NRCAM: variants seen among roughly 807,000 people sequenced by gnomAD.
NRCAM encodes NgCAM-related cell adhesion molecule.
A neutral mutation model predicts 156.5 loss-of-function variants in NRCAM; 83 were observed. The observed-to-expected ratio is 0.53, with a 90% CI of 0.44 to 0.64. The LOEUF (loss-of-function observed/expected upper bound fraction) is 0.64. Among genes scored for constraint, NRCAM ranks in the 30% least tolerant of loss-of-function variants. The probability of loss-of-function intolerance (pLI) is 0.00; values close to 1 mark genes in which losing one functional copy is unlikely to be tolerated. For synonymous variants in NRCAM, 538 were observed against 563.9 expected, an observed-to-expected ratio of 0.95 and a Z score of 0.65; for missense variants, 1,417 against 1,597.3, an observed-to-expected ratio of 0.89 and a Z score of 1.92.
intron 2 of NRCAM, among the ~76,000 whole-genome samples, chr7:108,399,171 T>TGTGTGTG (rs1554605530): frequency 1.3e-5 from 2 of 150,258 alleles, no homozygotes; most frequent in Admixed American, 1.3e-4. Context: ...GTGTGTGTGT[T>TGTGTGTG]TGTGTGTGTG....
chr7:108,154,282 T>A (rs2043508577), intron 32 of NRCAM, among the ~76,000 whole-genome samples: 2 of 152,192 alleles, frequency 1.3e-5, no homozygotes, highest in African/African-American at 4.8e-5. Context: ...GTTAGCTTTA[T>A]TCCTATGTCA....
At position 108,296,865 on chromosome 7, in the gene NRCAM, C is replaced by T. The variant is rs1252388651; in HGVS notation, c.-107+15800G>A. 3.9e-5 allele frequency among the ~76,000 whole-genome samples: 6 copies of T among 152,042 alleles called. No individual in the cohort carries two copies. The East Asian group carries it at 1.2e-3, about 29-fold the overall frequency. On this transcript the variant is annotated intron_variant, in intron 3 of 32. Transcript: ENST00000379028. ...CGAGAATCCTTCTCCCCAAATAATC[C>T]GTTTCCCTATACCATTACAGAAAAT...
intron 1 of NRCAM, among the ~76,000 whole-genome samples, chr7:108,452,732 A>C (rs1337110109): frequency 2.0e-5 from 3 of 152,256 alleles, no homozygotes; most frequent in African/African-American, 7.2e-5. Flanking sequence ...AACTTCCTAA[A>C]GAATATGTTA....
At chr7:108,253,365 A>G (rs79547888) in intron 3 of NRCAM, among the ~76,000 whole-genome samples, 2,629 of 152,270 alleles carry the variant, frequency 0.017, 83 homozygotes, top group African/African-American at 0.06. Flanking sequence ...AGGGAAGAGG[A>G]AAGACTCTGG....
intron 11 of NRCAM, among the ~76,000 whole-genome samples, chr7:108,220,204 G>A (rs2091688396): frequency 6.6e-6 from 1 of 151,508 alleles, no homozygotes; most frequent in Non-Finnish European, 1.5e-5. Flanking sequence ...AATCACAGAC[G>A]ACACAAATGA....
intron 2 of NRCAM, among the ~76,000 whole-genome samples, chr7:108,332,709 T>G (rs933648680): frequency 6.6e-6 from 1 of 152,198 alleles, no homozygotes; most frequent in Non-Finnish European, 1.5e-5. Flanking sequence ...ATATAGCGCC[T>G]CTTTATGGCT....
At chr7:108,455,685 T>C (rs1037249893) in intron 1 of NRCAM, among the ~76,000 whole-genome samples, 1 of 152,080 alleles carries the variant, frequency 6.6e-6, no homozygotes. Context: ...TCAGCACAGG[T>C]GTACGCACTT....
intron 11 of NRCAM, among the ~76,000 whole-genome samples, chr7:108,218,896 T>C (rs1341441351): frequency 6.6e-6 from 1 of 151,526 alleles, no homozygotes; most frequent in Non-Finnish European, 1.5e-5. Context: ...CAACAAAAAA[T>C]ACAAAAGATA....
At chr7:108,218,780 C>A (rs1030016032) in intron 11 of NRCAM, among the ~76,000 whole-genome samples, 1 of 152,120 alleles carries the variant, frequency 6.6e-6, no homozygotes, top group African/African-American at 2.4e-5. Flanking sequence ...AACTGACATT[C>A]TAAGGTCACA....
chr7:108,155,296 AG>A (rs1165425176), intron 32 of NRCAM, among the ~76,000 whole-genome samples: 1 of 151,878 alleles, frequency 6.6e-6, no homozygotes, highest in Non-Finnish European at 1.5e-5. Context: ...TGGATGTCAA[AG>A]GTTGAATGGA....
At chr7:108,219,378 C>T (rs1360930112) in intron 11 of NRCAM, among the ~76,000 whole-genome samples, 2 of 152,152 alleles carry the variant, frequency 1.3e-5, no homozygotes, top group African/African-American at 2.4e-5. Context: ...AATACCAAAA[C>T]CAGGAAAGGA....
chr7:108,310,469 A>C (rs778751433), intron 3 of NRCAM, among the ~76,000 whole-genome samples: 8 of 152,186 alleles, frequency 5.3e-5, no homozygotes, highest in Admixed American at 1.3e-4. Flanking sequence ...GACAGAGGGC[A>C]CTTCCCAAAC....
chr7:108,386,974 G>A (rs2099742677), intron 2 of NRCAM, among the ~76,000 whole-genome samples: 1 of 152,000 alleles, frequency 6.6e-6, no homozygotes, highest in Admixed American at 6.6e-5. Flanking sequence ...GTGTTTTATT[G>A]TCAAAAGCAG....
intron 11 of NRCAM, among the ~76,000 whole-genome samples, chr7:108,221,349 T>G (rs2153673459): frequency 6.6e-6 from 1 of 152,318 alleles, no homozygotes; most frequent in South Asian, 2.1e-4. Context: ...CACCACTGGG[T>G]ATCTACCCAG....
intron 13 of NRCAM, chr7:108,207,082 T>G (rs2081556817): frequency 6.5e-6 from 1 of 155,028 alleles, no homozygotes; most frequent in Non-Finnish European, 1.4e-5. Context: ...GCTATACTTA[T>G]GACTGAAAAC....
chr7:108,281,905 G>C (rs1347013435), intron 3 of NRCAM, among the ~76,000 whole-genome samples: 1 of 152,234 alleles, frequency 6.6e-6, no homozygotes, highest in Non-Finnish European at 1.5e-5. Context: ...ATTGGGTGAA[G>C]TAAGTGTCTG....
At chr7:108,318,039 C>CCTT (rs1554503979) in intron 2 of NRCAM, among the ~76,000 whole-genome samples, 6 of 72,816 alleles carry the variant, frequency 8.2e-5, no homozygotes, top group African/African-American at 3.5e-4. Context: ...TTCACTTTTC[C>CCTT]TTTTTTTTTT....
intron 19 of NRCAM, among the ~76,000 whole-genome samples, chr7:108,190,798 A>G (rs1273114051): frequency 6.6e-6 from 1 of 152,176 alleles, no homozygotes; most frequent in Non-Finnish European, 1.5e-5. Flanking sequence ...GTTGTTCTAA[A>G]CATCTATTTT....
chr7:108,299,122 G>GAAAGAAAGAAAA (rs2098529620), intron 3 of NRCAM, among the ~76,000 whole-genome samples: 2 of 35,422 alleles, frequency 5.6e-5, no homozygotes, highest in Non-Finnish European at 1.2e-4. Context: ...AAAAAAGAAA[G>GAAAGAAAGAAAA]AAAGAAAGAA....
Sources: gnomAD v4.1 joint callset for allele counts (sites outside exome capture counted in the v4.1 genomes callset) on GRCh38, gnomAD v4.1.1 for gene constraint, MANE v1.5 for transcripts, NCBI Gene and HGNC (gene_info 2026-07-23, HGNC 2026-07-21) for gene names.